The following ANKRD44 variants were observed in gnomAD, a reference collection of about 807,000 sequenced individuals.
ANKRD44 encodes the protein ankyrin repeat domain 44, also known as serine/threonine-protein phosphatase 6 regulatory ankyrin repeat subunit B.
Under a neutral mutation model 116.0 loss-of-function variants are expected in ANKRD44, and 35 were observed. The ratio of observed to expected loss-of-function variants is 0.30; its 90% CI spans 0.23 to 0.40. ANKRD44 has a LOEUF of 0.40. ANKRD44 is among the 10% of genes least tolerant of loss of function. The pLI, the probability that ANKRD44 is intolerant of heterozygous loss-of-function variation, is 1.00. For synonymous variants in ANKRD44, 435 were observed against 461.8 expected (o/e 0.94, Z 0.74); for missense variants, 1,014 against 1,242.6 (o/e 0.82, Z 2.77).
chr2:197,137,458 G>A (rs747128038), intron 3 of ANKRD44, among the ~76,000 whole-genome samples: 1 of 152,200 alleles, frequency 6.6e-6, no homozygotes, highest in Non-Finnish European at 1.5e-5. Flanking sequence ...GGAAGCAGGA[G>A]CTGACTAATC....
intron 1 of ANKRD44, among the ~76,000 whole-genome samples, chr2:197,258,536 G>A (rs975704598): frequency 1.1e-4 from 16 of 152,138 alleles, no homozygotes; most frequent in African/African-American, 3.1e-4. Flanking sequence ...TGTGGATAAT[G>A]CTGCTATGAA....
chr2:196,971,010 T>C (rs1004125194), intron 21 of ANKRD44, among the ~76,000 whole-genome samples: 1 of 152,240 alleles, frequency 6.6e-6, no homozygotes. Flanking sequence ...GCCAATATTT[T>C]AATTTTTTCT....
At chr2:197,262,540 T>A (rs534045241) in intron 1 of ANKRD44, among the ~76,000 whole-genome samples, 109 of 152,312 alleles carry the variant, frequency 7.2e-4, no homozygotes, top group African/African-American at 2.6e-3. Context: ...CACGTAAAAA[T>A]TTCAACCTAC....
At chr2:197,025,432 A>C (rs2076573497) in intron 16 of ANKRD44, among the ~76,000 whole-genome samples, 165 bp from the exon 17 acceptor site, 1 of 152,244 alleles carries the variant, frequency 6.6e-6, no homozygotes, top group Admixed American at 6.5e-5. Flanking sequence ...GAATATTTAA[A>C]CTTCTAGATC....
chr2:197,161,189 T>C (rs1343308129), intron 2 of ANKRD44, among the ~76,000 whole-genome samples: 1 of 151,786 alleles, frequency 6.6e-6, no homozygotes, highest in East Asian at 1.9e-4. Flanking sequence ...TTGACACGAG[T>C]GCTCCCAGAA....
At chr2:197,039,893 G>T (rs1398915556) in intron 16 of ANKRD44, among the ~76,000 whole-genome samples, 1 of 152,032 alleles carries the variant, frequency 6.6e-6, no homozygotes, top group African/African-American at 2.4e-5. Flanking sequence ...GTAAAAATAG[G>T]CAAAGAGGAT....
chr2:197,305,661 G>C (rs2084046871), intron 1 of ANKRD44, among the ~76,000 whole-genome samples: 1 of 152,022 alleles, frequency 6.6e-6, no homozygotes, highest in African/African-American at 2.4e-5. Context: ...TTAATCCAGA[G>C]CTAGAGCTTA....
intron 18 of ANKRD44, among the ~76,000 whole-genome samples, chr2:197,010,076 A>G (rs953166802): frequency 6.6e-6 from 1 of 151,920 alleles, no homozygotes; most frequent in Non-Finnish European, 1.5e-5. Flanking sequence ...GCGAGGAAGG[A>G]AGGAGAGAAG....
chr2:197,088,675 T>C, intron 12 of ANKRD44, 36 bp downstream of exon 12: 2 of 1,443,210 alleles, frequency 1.4e-6, no homozygotes, highest in Admixed American at 1.9e-5. Context: ...GATGAATTAG[T>C]AACTCATAAA....
At chr2:197,178,013 A>G (rs2080409002) in intron 2 of ANKRD44, among the ~76,000 whole-genome samples, 1 of 152,204 alleles carries the variant, frequency 6.6e-6, no homozygotes, top group Non-Finnish European at 1.5e-5. Context: ...CTTTTTGTAT[A>G]TATAGTTAAC....
chr2:197,115,545 T>A (rs569861801), intron 8 of ANKRD44, among the ~76,000 whole-genome samples: 6 of 152,314 alleles, frequency 3.9e-5, no homozygotes, highest in African/African-American at 1.4e-4. Flanking sequence ...ACATCCCTCC[T>A]CCTCTTCCCA....
intron 1 of ANKRD44, among the ~76,000 whole-genome samples, chr2:197,194,698 T>C (rs563915525): frequency 2.6e-5 from 4 of 152,212 alleles, no homozygotes; most frequent in African/African-American, 9.7e-5. Context: ...TACGTATGCA[T>C]ATATATTTAC....
At chr2:197,278,481 C>T (rs1045167358) in intron 1 of ANKRD44, among the ~76,000 whole-genome samples, 7 of 151,990 alleles carry the variant, frequency 4.6e-5, no homozygotes, top group South Asian at 4.1e-4. Flanking sequence ...CTCAGCCTCC[C>T]GAGTAGCTGG....
chr2:197,167,932 C>T (rs1351535608), intron 2 of ANKRD44, among the ~76,000 whole-genome samples: 1 of 152,180 alleles, frequency 6.6e-6, no homozygotes, highest in Non-Finnish European at 1.5e-5. Context: ...TTCTATTGGG[C>T]AGAACATGAA....
intron 10 of ANKRD44, among the ~76,000 whole-genome samples, chr2:197,097,458 G>A (rs1436452332): frequency 2.6e-5 from 4 of 152,164 alleles, no homozygotes; most frequent in African/African-American, 9.7e-5. Context: ...AGAGCGTACT[G>A]AATCTTAGTG....
At chr2:197,246,532 T>C (rs2697292) in intron 1 of ANKRD44, among the ~76,000 whole-genome samples, 1 of 151,188 alleles carries the variant, frequency 6.6e-6, no homozygotes, top group East Asian at 1.9e-4. Context: ...TGCCCAGCCA[T>C]CCCTACAATG....
At chr2:197,158,855 C>G (rs1033781814) in intron 2 of ANKRD44, among the ~76,000 whole-genome samples, 2 of 152,144 alleles carry the variant, frequency 1.3e-5, no homozygotes, top group Admixed American at 1.3e-4. Flanking sequence ...GATGCAGCAG[C>G]CTTCAAGGGA....
intron 1 of ANKRD44, among the ~76,000 whole-genome samples, chr2:197,305,735 G>A (rs1182678963): frequency 1.3e-5 from 2 of 152,036 alleles, no homozygotes; most frequent in South Asian, 2.1e-4. Context: ...ATTTGGAAAA[G>A]TCATTGGTGT....
chr2:197,161,697 T>C (rs1056368845), intron 2 of ANKRD44, among the ~76,000 whole-genome samples: 6 of 152,244 alleles, frequency 3.9e-5, no homozygotes, highest in Non-Finnish European at 5.9e-5. Context: ...TAATTTTTAA[T>C]TTAAATGTAT....
Sources: allele counts gnomAD v4.1 joint callset (sites outside exome capture counted in the v4.1 genomes callset), GRCh38; gene constraint gnomAD v4.1.1; transcripts MANE v1.5; gene names NCBI Gene and HGNC (gene_info 2026-07-23, HGNC 2026-07-21).